Variants in LRRC28 observed in about 807,000 individuals in gnomAD.
The protein encoded by LRRC28 is leucine-rich repeat-containing protein 28.
LRRC28 carries 39 observed loss-of-function variants against 45.7 expected under a neutral mutation model. The ratio of observed to expected loss-of-function variants is 0.85; its 90% confidence interval spans 0.66 to 1.12. The LOEUF (loss-of-function observed/expected upper bound fraction) is 1.12, where lower values mean the gene tolerates loss of function less well. LRRC28 is among the 50% of genes most tolerant of loss of function. LRRC28 has a pLI of 0.00. For synonymous variants in LRRC28, 206 were observed against 178.8 expected (o/e 1.15, Z -1.22); for missense variants, 435 against 438.5 (o/e 0.99, Z 0.07).
Position 99,377,023 on chromosome 15 carries a change from A to T in LRRC28, c.1032-9007A>T, listed in dbSNP as rs191762756. Among the ~76,000 whole-genome samples the T allele has an allele frequency of 2.1e-3, 323 of 152,312 alleles. 4 individuals carry two copies. The highest frequency in any genetic ancestry group is 6.4e-3 in the East Asian group (33 of 5,186). ...TAAACATACGTGTGCATTTGTCTTT[A>T]TAGCAGCTTGATTTATAATCCTTTG... On this transcript the variant is annotated intron_variant, in intron 9 of 9. Coordinates refer to ENST00000301981, the MANE Select transcript of LRRC28 (RefSeq NM_144598.5).
intron 5 of LRRC28, among the ~76,000 whole-genome samples, chr15:99,303,889 AACAAAG>A: frequency 6.6e-6 from 1 of 152,240 alleles, no homozygotes; most frequent in South Asian, 2.1e-4. Context: ...TAGTTTTCTC[AACAAAG>A]ACAGAGCATT....
intron 2 of LRRC28, chr15:99,257,593 C>T (rs1022209803): frequency 2.5e-5 from 15 of 608,148 alleles, no homozygotes; most frequent in Non-Finnish European, 4.1e-5. Context: ...GTGGCTCTTG[C>T]GATCGAAAGG....
At position 99,386,069 on chromosome 15, in the gene LRRC28, C is replaced by T. The variant is rs1957979100; in HGVS notation, c.1071C>T (p.Thr357=). 2 of 1,614,154 alleles carry T rather than the reference C, an allele frequency of 1.2e-6. No individual in the cohort carries two copies. The highest frequency in any genetic ancestry group is 1.3e-5 in the African/African-American group (1 of 75,038). The change falls in exon 10 of 10, where the codon ACC becomes ACT. Residue 357 remains threonine (T), a synonymous_variant. Transcript: ENST00000301981. ...TVSFVAYCCS[T]QCLQTFDLLS is the part of the protein sequence containing the mutation. Reference sequence around the variant, plus strand: ...GTTTTGTGGCTTACTGCTGCTCCACCCAGTGTCTGCAGACTTTTGACCTGC... The same window carrying T: ...GTTTTGTGGCTTACTGCTGCTCCACTCAGTGTCTGCAGACTTTTGACCTGC...
intron 3 of LRRC28, chr15:99,285,725 T>C (rs1175464083): frequency 1.8e-6 from 1 of 566,306 alleles, no homozygotes; most frequent in Non-Finnish European, 3.2e-6. Flanking sequence ...GTGGGTACTT[T>C]AGTTCATATT....
intron 7 of LRRC28, among the ~76,000 whole-genome samples, chr15:99,354,834 C>G (rs150863305): frequency 5.2e-4 from 79 of 152,286 alleles, no homozygotes; most frequent in African/African-American, 1.4e-3. Flanking sequence ...TAGATGTAGG[C>G]TTGGGATATA....
chr15:99,363,846 G>A (rs1957272735), intron 9 of LRRC28, among the ~76,000 whole-genome samples: 1 of 152,098 alleles, frequency 6.6e-6, no homozygotes, highest in African/African-American at 2.4e-5. Context: ...GCTAAAGATA[G>A]GCTCTCAAAT....
At chr15:99,307,564 A>T (rs1237377723) in intron 5 of LRRC28, among the ~76,000 whole-genome samples, 1 of 152,192 alleles carries the variant, frequency 6.6e-6, no homozygotes, top group African/African-American at 2.4e-5. Flanking sequence ...TAAAATGTAA[A>T]AGTTGTTACA....
At chr15:99,277,940 A>T (rs2081663354) in intron 3 of LRRC28, among the ~76,000 whole-genome samples, 1 of 152,140 alleles carries the variant, frequency 6.6e-6, no homozygotes, top group Admixed American at 6.5e-5. Context: ...ACTATCGTAA[A>T]TGAATTTTGT....
intron 5 of LRRC28, among the ~76,000 whole-genome samples, chr15:99,305,159 A>T (rs1267484654): frequency 6.6e-6 from 1 of 152,224 alleles, no homozygotes; most frequent in African/African-American, 2.4e-5. Context: ...CGTATATATA[A>T]AAGGAGACTA....
intron 2 of LRRC28, among the ~76,000 whole-genome samples, chr15:99,269,664 A>G (rs1263205905): frequency 2.0e-5 from 3 of 152,194 alleles, no homozygotes; most frequent in East Asian, 1.9e-4. Context: ...CAGCCTCCCA[A>G]AGTGTTAGGA....
At chr15:99,357,552 C>T (rs1957080904) in intron 7 of LRRC28, among the ~76,000 whole-genome samples, 1 of 152,134 alleles carries the variant, frequency 6.6e-6, no homozygotes, top group South Asian at 2.1e-4. Flanking sequence ...TAGTGCTTCC[C>T]TTTGGGGTAT....
At chr15:99,324,641 C>T (rs1457583770) in intron 5 of LRRC28, among the ~76,000 whole-genome samples, 1 of 152,014 alleles carries the variant, frequency 6.6e-6, no homozygotes, top group Non-Finnish European at 1.5e-5. Flanking sequence ...ATTTTTGTGC[C>T]TAATCTAAGT....
chr15:99,259,526 C>CA, intron 2 of LRRC28: 1 of 1,185,750 alleles, frequency 8.4e-7, no homozygotes. Flanking sequence ...TATGGTATCT[C>CA]AGTGCCTGAC....
At chr15:99,323,405 G>A (rs746773406) in intron 5 of LRRC28, among the ~76,000 whole-genome samples, 13 of 152,144 alleles carry the variant, frequency 8.5e-5, no homozygotes, top group African/African-American at 2.4e-4. Flanking sequence ...TCTAGGATTC[G>A]ATCCCAATTG....
At chr15:99,343,848 A>G (rs986358750) in intron 6 of LRRC28, among the ~76,000 whole-genome samples, 2 of 152,192 alleles carry the variant, frequency 1.3e-5, no homozygotes, top group Non-Finnish European at 2.9e-5. Flanking sequence ...CCTTTTCATG[A>G]AGTACACGTT....
Position 99,285,074 on chromosome 15 carries a change from CATT to C in LRRC28, c.210-2180_210-2178del, listed in dbSNP as rs901678342. ...CTGACTTCACAGTTGTGGCCATTCA[CATT>C]ATGGTATTTCTGAGTGACAGTCTTA... On this transcript the variant is annotated intron_variant, in intron 3 of 9. Transcript: ENST00000301981. 18 of 682,088 alleles carry C rather than the reference CATT, an allele frequency of 2.6e-5. No individual in the cohort carries two copies. In the African/African-American group the frequency reaches 3.0e-4, roughly 11 times the overall value. 42.3% of individuals were successfully genotyped at this position (682,088 alleles called of 1,614,324 possible).
chr15:99,259,830 A>AGATAG (rs2081141581), intron 2 of LRRC28: 8 of 857,960 alleles, frequency 9.3e-6, no homozygotes. Context: ...AAGCATATGG[A>AGATAG]GATAGAATAG....
intron 3 of LRRC28, among the ~76,000 whole-genome samples, chr15:99,282,585 G>A (rs2081835848): frequency 7.2e-5 from 11 of 152,114 alleles, no homozygotes. Flanking sequence ...TTGTCTGATT[G>A]TGTTACAGTT....
At chr15:99,317,568 A>G (rs1235186685) in intron 5 of LRRC28, 3 of 152,222 alleles carry the variant, frequency 2.0e-5, no homozygotes, top group African/African-American at 7.2e-5. Context: ...AAATTATTAC[A>G]GACATTTGGT....
Sources: allele counts gnomAD v4.1 joint callset (sites outside exome capture counted in the v4.1 genomes callset), GRCh38; gene constraint gnomAD v4.1.1; transcripts MANE v1.5; gene names NCBI Gene and HGNC (gene_info 2026-07-23, HGNC 2026-07-21).